The following LTBP2 variants were observed in gnomAD, a reference collection of about 807,000 sequenced individuals.
LTBP2 encodes latent-transforming growth factor beta-binding protein 2.
In LTBP2, 103 loss-of-function variants were observed where a neutral mutation model predicts 210.6. The observed-to-expected ratio is 0.49, with a 90% CI of 0.42 to 0.58. The LOEUF is 0.58. LTBP2 is among the 20% of genes least tolerant of loss of function. The pLI is 0.00. For synonymous variants in LTBP2, 1,007 were observed against 1,015.0 expected (o/e 0.99, Z 0.15); for missense variants, 2,313 against 2,494.5 (o/e 0.93, Z 1.55).
intron 3 of LTBP2, among the ~76,000 whole-genome samples, chr14:74,583,750 A>G (rs578242667): frequency 6.6e-6 from 1 of 152,402 alleles, no homozygotes; most frequent in African/African-American, 2.4e-5. Context: ...GATTGAGCAC[A>G]GAAGTGTGCC....
Position 74,508,067 on chromosome 14 carries a change from C to T in LTBP2, c.3681G>A (p.Pro1227=), listed in dbSNP as rs368214877. The part of the protein sequence containing the change: ...QDVDECATTD[P]CVGGHCVNTE... ...TGTTGACACAGTGCCCTCCCACACA[C>T]GGGTCTGTGGTGGCACACTCGTCCA... The change falls in exon 25 of 36, where the codon CCG becomes CCA. Residue 1227 remains proline (P), a synonymous_variant. Transcript: ENST00000261978. 85 of 1,613,760 alleles carry T rather than the reference C, an allele frequency of 5.3e-5. No homozygotes were observed. The highest frequency in any genetic ancestry group is 6.6e-5 in the Non-Finnish European group (78 of 1,180,014).
At chr14:74,513,728 G>A (rs1231153578) in intron 18 of LTBP2, among the ~76,000 whole-genome samples, 2 of 152,198 alleles carry the variant, frequency 1.3e-5, no homozygotes, top group African/African-American at 4.8e-5. Context: ...GCTTGAACCC[G>A]GTGGGGGAGG....
intron 9 of LTBP2, among the ~76,000 whole-genome samples, chr14:74,533,452 C>T (rs2087377586): frequency 6.6e-6 from 1 of 152,190 alleles, no homozygotes; most frequent in Non-Finnish European, 1.5e-5. Context: ...ATTCAGCCTT[C>T]CTCCAGAGGT....
In LTBP2 at chr14:74,611,758, C is replaced by T; in HGVS notation, c.187G>A (p.Ala63Thr). ...LRRPGGSYPA[A>T]AAAKVYSLFR... Reference sequence around the variant, plus strand: ...AGACTGTACACCTTGGCTGCAGCCGCTGCCGGGTAGCTGCCCCCAGGGCGC... The same window carrying T: ...AGACTGTACACCTTGGCTGCAGCCGTTGCCGGGTAGCTGCCCCCAGGGCGC... Residue 63 changes from alanine to threonine, a missense_variant, in exon 1 of 36, where the codon GCG becomes ACG. By Grantham distance (58) the Ala-to-Thr change is moderately conservative. Around this residue, in one of 3 missense-constraint regions of LTBP2, gnomAD observed 1,867 missense variants for 1,976.9 expected, o/e 0.94. Coordinates refer to ENST00000261978, the MANE Select transcript of LTBP2 (RefSeq NM_000428.3). 1 of 1,607,914 alleles carries T rather than the reference C, an allele frequency of 6.2e-7. No individual in the cohort carries two copies. The highest frequency in any genetic ancestry group is 8.5e-7 in the Non-Finnish European group (1 of 1,179,400).
chr14:74,578,079 G>A (rs1249719554), intron 3 of LTBP2, among the ~76,000 whole-genome samples: 3 of 152,110 alleles, frequency 2.0e-5, no homozygotes, highest in Non-Finnish European at 2.9e-5. Context: ...AGCGGTGGGA[G>A]GGGCTGGAGC....
At chr14:74,580,451 C>T (rs932836445) in intron 3 of LTBP2, among the ~76,000 whole-genome samples, 1 of 152,098 alleles carries the variant, frequency 6.6e-6, no homozygotes, top group Non-Finnish European at 1.5e-5. Context: ...AAGAAGGCCA[C>T]GTGATGACTG....
intron 3 of LTBP2, among the ~76,000 whole-genome samples, chr14:74,564,221 TTATA>T (rs1484895522): frequency 1.3e-4 from 1 of 7,470 alleles, no homozygotes; most frequent in African/African-American, 5.3e-4. Flanking sequence ...ATATATATAT[TTATA>T]TATATATTTA....
chr14:74,570,735 C>T (rs748802222), intron 3 of LTBP2, among the ~76,000 whole-genome samples: 8 of 152,108 alleles, frequency 5.3e-5, no homozygotes, highest in Non-Finnish European at 1.0e-4. Flanking sequence ...CTAACTTGCC[C>T]GGGGTCATCC....
At chr14:74,515,539 G>A (rs960253688) in intron 18 of LTBP2, among the ~76,000 whole-genome samples, 3 of 152,158 alleles carry the variant, frequency 2.0e-5, no homozygotes, top group African/African-American at 7.2e-5. Context: ...TTACAGATGT[G>A]AGCCACCGCG....
At chr14:74,589,883 G>A (rs1225461719) in intron 2 of LTBP2, among the ~76,000 whole-genome samples, 2 of 152,160 alleles carry the variant, frequency 1.3e-5, no homozygotes, top group African/African-American at 4.8e-5. Context: ...GCGTGGGTGA[G>A]AGGAAGGTCA....
chr14:74,528,783 C>T, intron 11 of LTBP2, 85 bp from the exon 12 acceptor site: 3 of 1,549,648 alleles, frequency 1.9e-6, no homozygotes, highest in Non-Finnish European at 2.6e-6. Flanking sequence ...CTTTGGGAGA[C>T]ACGGCAATTG....
chr14:74,550,069 T>A, intron 7 of LTBP2, 104 bp from the exon 8 acceptor site: 1 of 776,454 alleles, frequency 1.3e-6, no homozygotes, highest in Non-Finnish European at 2.3e-6. Context: ...ACTCCCCACA[T>A]TCTGCCAGAG....
chr14:74,520,869 G>A (rs4899520), intron 17 of LTBP2, among the ~76,000 whole-genome samples: 91,494 of 152,012 alleles, frequency 0.6, 27,655 homozygotes, highest in Middle Eastern at 0.65. Flanking sequence ...TCGAGTACCC[G>A]AATAATCTCA....
At position 74,555,637 on chromosome 14, in the gene LTBP2, C is replaced by A; in HGVS notation, c.887G>T (p.Arg296Leu). ...GGCAGTCGGGTGAAGTCGGACAGTG[C>A]GGGACAACCCCACGTGCTGCTGGGA... The part of the protein sequence containing the change: ...HPSQQHVGLS[R>L]TVRLHPTATA... The change falls in exon 4 of 36, where the codon CGC (arginine) becomes CTC (leucine). Residue 296 changes from arginine to leucine, a missense_variant. By Grantham distance (102) the Arg-to-Leu change is moderately radical. Transcript: ENST00000261978. 6.3e-7 allele frequency: 1 copy of A among 1,594,170 alleles called. No individual in the cohort carries two copies. Among genetic ancestry groups the A allele is most frequent in the South Asian group, 1.1e-5 (1 of 88,926 alleles).
intron 2 of LTBP2, among the ~76,000 whole-genome samples, chr14:74,596,113 T>C (rs892401683): frequency 6.6e-5 from 10 of 151,960 alleles, no homozygotes; most frequent in African/African-American, 9.7e-5. Flanking sequence ...TAATCCCAGC[T>C]ACTTGAGAGG....
rs2139744114 is a variant in LTBP2 at position 74,549,880 on chromosome 14, G to A, written c.1772C>T (p.Pro591Leu). Residue 591 changes from proline to leucine, a missense_variant, in exon 8 of 36, where the codon CCA becomes CTA. Physicochemically the swap from Pro to Leu is moderately conservative, Grantham distance 98 (BLOSUM62 -3). Around this residue, in one of 3 missense-constraint regions of LTBP2, gnomAD observed 1,867 missense variants for 1,976.9 expected, o/e 0.94. Coordinates refer to ENST00000261978, the MANE Select transcript of LTBP2 (RefSeq NM_000428.3). ...GAFWGVTLCA[P>L]CPPRPASPVI... ...GCACTCACCTGGTCTGGGTGGGCAT[G>A]GGGCACACAAAGTCACCCCCCAGAA... is the stretch of plus-strand genomic sequence containing the variant. 2 of 1,613,958 alleles carry A rather than the reference G, an allele frequency of 1.2e-6. No homozygotes were observed. The highest frequency in any genetic ancestry group is 2.2e-5 in the East Asian group (1 of 44,878).
chr14:74,521,896 G>C lies in LTBP2; in HGVS notation c.2788+15C>G, dbSNP rs376663839. The C allele has an allele frequency of 1.4e-4, 226 of 1,613,686 alleles. No individual in the cohort carries two copies. Among genetic ancestry groups the C allele is most frequent in the Non-Finnish European group, 1.9e-4 (225 of 1,179,920 alleles). ...CTGTGGGGCCTGGCCAAGGGCAAGG[G>C]CGGGCTTGGCTTACCTTGACACTCC... On this transcript the variant is annotated intron_variant, in intron 17 of 35. Coordinates refer to ENST00000261978, the MANE Select transcript of LTBP2 (RefSeq NM_000428.3).
chr14:74,522,918 C>T lies in LTBP2; in HGVS notation c.2531G>A (p.Gly844Asp). 6.2e-7 allele frequency: 1 copy of T among 1,611,382 alleles called. No homozygotes were observed. Among genetic ancestry groups the T allele is most frequent in the African/African-American group, 1.3e-5 (1 of 75,036 alleles). The change falls in exon 16 of 36, where the codon GGC becomes GAC. Residue 844 changes from glycine to aspartate, a missense_variant and splice_region_variant. Coordinates refer to ENST00000261978, the MANE Select transcript of LTBP2 (RefSeq NM_000428.3). ...GGCTCCAGCAGCGCATCTGTCAATG[C>T]CTGTGGGAGACAGAGCAAAACAGAG... is the stretch of plus-strand genomic sequence containing the variant. ...TDVLVTLSTP[G>D]IDRCAAGATN...
At chr14:74,510,339 G>C in intron 19 of LTBP2, 126 bp from the exon 20 acceptor site, 1 of 1,409,854 alleles carries the variant, frequency 7.1e-7, no homozygotes, top group Non-Finnish European at 9.8e-7. Context: ...CAGGCCACCT[G>C]GGGAGGCCAT....
Sources: gnomAD v4.1 joint callset for allele counts (sites outside exome capture counted in the v4.1 genomes callset) on GRCh38, gnomAD v4.1.1 for gene constraint, gnomAD v4.1.1 regional missense constraint, MANE v1.5 for transcripts, NCBI Gene and HGNC (gene_info 2026-07-23, HGNC 2026-07-21) for gene names.